ZNRF3: variants seen among roughly 807,000 people sequenced by gnomAD.
ZNRF3 encodes E3 ubiquitin-protein ligase ZNRF3.
ZNRF3 carries 23 observed loss-of-function variants against 72.5 expected under a neutral mutation model. That is an observed-to-expected ratio of 0.32 (90% CI 0.23 to 0.45). ZNRF3 has a LOEUF of 0.45. Among genes scored for constraint, ZNRF3 ranks in the 20% least tolerant of loss-of-function variants. The pLI, the probability that ZNRF3 is intolerant of heterozygous loss-of-function variation, is 1.00. For missense variants in ZNRF3, 1,169 were observed against 1,272.1 expected (o/e 0.92, Z 1.23); for synonymous variants, 610 against 545.3 (o/e 1.12, Z -1.65).
rs1165799058 is a variant in ZNRF3, at chr22:29,056,905, A to G, written c.*3283A>G. ...ACATACTTATGTGCTGCTAGTCTCT[A>G]CTCGAAGTTCGTGCAGGACTAATGC... On this transcript the variant is annotated 3_prime_UTR_variant, in exon 9 of 9. Coordinates refer to ENST00000544604, the MANE Select transcript of ZNRF3 (RefSeq NM_001206998.2). 2.0e-5 allele frequency: 3 copies of G among 152,180 alleles called. No individual in the cohort carries two copies. The highest frequency in any genetic ancestry group is 7.2e-5 in the African/African-American group (3 of 41,434). 9.4% of individuals were successfully genotyped at this position (152,180 alleles called of 1,614,324 possible).
At chr22:28,972,536 C>T (rs1861322711) in intron 1 of ZNRF3, among the ~76,000 whole-genome samples, 1 of 152,150 alleles carries the variant, frequency 6.6e-6, no homozygotes, top group Admixed American at 6.5e-5. Context: ...ACATTGTTTC[C>T]ACTCTTTGGT....
At chr22:29,036,476 C>G (rs1285742748) in intron 2 of ZNRF3, among the ~76,000 whole-genome samples, 1 of 152,322 alleles carries the variant, frequency 6.6e-6, no homozygotes, top group Non-Finnish European at 1.5e-5. Context: ...GAGAGTTACT[C>G]TCAAACTCAC....
At chr22:28,951,950 G>A (rs1250022518) in intron 1 of ZNRF3, among the ~76,000 whole-genome samples, 1 of 152,230 alleles carries the variant, frequency 6.6e-6, no homozygotes, top group African/African-American at 2.4e-5. Flanking sequence ...GTTGATGAGA[G>A]GTATTAAAAT....
intron 2 of ZNRF3, among the ~76,000 whole-genome samples, chr22:29,029,740 G>A (rs116095047): frequency 0.026 from 3,941 of 152,106 alleles, 85 homozygotes; most frequent in African/African-American, 0.057. Context: ...TGCCTCCTCC[G>A]TGAGCGAAGG....
At chr22:29,009,971 A>G (rs541047405) in intron 2 of ZNRF3, among the ~76,000 whole-genome samples, 2 of 147,118 alleles carry the variant, frequency 1.4e-5, no homozygotes, top group East Asian at 2.0e-4. Context: ...CAGTGGCTCA[A>G]TCTCGGCTCA....
At chr22:29,014,796 G>A (rs1264894509) in intron 2 of ZNRF3, among the ~76,000 whole-genome samples, 2 of 152,192 alleles carry the variant, frequency 1.3e-5, no homozygotes, top group African/African-American at 2.4e-5. Flanking sequence ...ACAACAAACA[G>A]GGCAACTGCA....
intron 2 of ZNRF3, among the ~76,000 whole-genome samples, chr22:28,994,176 C>CTTTTTTTTTTTTTTTTTTTTTTTTTTTTT (rs57329565): frequency 3.8e-4 from 15 of 39,808 alleles, no homozygotes; most frequent in South Asian, 1.3e-3. Context: ...CAGTTCCTTT[C>CTTTTTTTTTTTTTTTTTTTTTTTTTTTTT]TTTTTTTTTT....
intron 1 of ZNRF3, among the ~76,000 whole-genome samples, chr22:28,930,607 G>A (rs538153332): frequency 1.3e-5 from 2 of 152,330 alleles, no homozygotes; most frequent in Admixed American, 6.5e-5. Context: ...TCTTGACTAC[G>A]GAGCAGGTTA....
intron 1 of ZNRF3, among the ~76,000 whole-genome samples, chr22:28,916,700 C>A (rs1418620876): frequency 1.3e-5 from 2 of 152,162 alleles, no homozygotes; most frequent in Admixed American, 6.5e-5. Flanking sequence ...GTAGAATTGG[C>A]AGCTTGGGGT....
intron 1 of ZNRF3, among the ~76,000 whole-genome samples, chr22:28,977,291 C>G (rs1174233191): frequency 6.6e-6 from 1 of 152,136 alleles, no homozygotes; most frequent in Non-Finnish European, 1.5e-5. Context: ...GTTTCTGACC[C>G]ATCACAGTTC....
At chr22:28,978,978 A>T (rs2035721973) in intron 1 of ZNRF3, among the ~76,000 whole-genome samples, 1 of 151,908 alleles carries the variant, frequency 6.6e-6, no homozygotes, top group Non-Finnish European at 1.5e-5. Flanking sequence ...GGAGTTAATC[A>T]TTGCTCCCCT....
intron 1 of ZNRF3, chr22:28,986,648 A>G (rs2035859278): frequency 1.0e-6 from 1 of 985,286 alleles, no homozygotes; most frequent in Admixed American, 6.1e-5. Flanking sequence ...GCGTAAGTTG[A>G]AGTAGACATG....
intron 1 of ZNRF3, among the ~76,000 whole-genome samples, chr22:28,945,367 G>A (rs1470241046): frequency 6.6e-6 from 1 of 151,962 alleles, no homozygotes; most frequent in African/African-American, 2.4e-5. Context: ...GAAAAAAGCA[G>A]AATATTAAGC....
chr22:29,048,831 G>A lies in ZNRF3; in HGVS notation c.1015+340G>A, dbSNP rs1335195778. Among the ~76,000 whole-genome samples the A allele has an allele frequency of 1.3e-5, 2 of 152,190 alleles. No homozygotes were observed. The highest frequency in any genetic ancestry group is 2.4e-5 in the African/African-American group (1 of 41,460). Reference sequence around the variant, plus strand: ...ACCATGGGGGTGTTCCTAGGACCACGAGAGACGATGAGTGTGCAGAGGCCA... The same window carrying A: ...ACCATGGGGGTGTTCCTAGGACCACAAGAGACGATGAGTGTGCAGAGGCCA... On this transcript the variant is annotated intron_variant, in intron 7 of 8. Coordinates refer to ENST00000544604, the MANE Select transcript of ZNRF3 (RefSeq NM_001206998.2). This position sits in a 1 kb window ranked among gnomAD's most constrained non-coding sequence, Gnocchi z 4.9.
chr22:29,049,446 T>C lies in ZNRF3; in HGVS notation c.1265T>C (p.Leu422Pro). Residue 422 changes from leucine to proline, a missense_variant, in exon 8 of 9, where the codon CTC becomes CCC. Leu to Pro is a moderately conservative substitution (Grantham distance 98). Transcript: ENST00000544604. The surrounding 1 kb of genome is among the most constrained non-coding windows in gnomAD (Gnocchi z 5.2). Reference sequence around the variant, plus strand: ...GCCTACATCCGCAGCTACCCACCCCTCCACCTGGACCACAGCCTGGCCGCT... The same window carrying C: ...GCCTACATCCGCAGCTACCCACCCCCCCACCTGGACCACAGCCTGGCCGCT... ...TPAYIRSYPPLHLDHSLAAHR... is the reference protein window; with the variant it reads ...TPAYIRSYPPPHLDHSLAAHR... 6.2e-7 allele frequency: 1 copy of C among 1,600,892 alleles called. No individual in the cohort carries two copies. The highest frequency in any genetic ancestry group is 8.5e-7 in the Non-Finnish European group (1 of 1,176,458).
intron 1 of ZNRF3, among the ~76,000 whole-genome samples, chr22:28,909,730 G>A (rs1454849664): frequency 1.4e-5 from 2 of 146,420 alleles, no homozygotes; most frequent in Non-Finnish European, 3.0e-5. Flanking sequence ...ATAGGCGCAT[G>A]CCACCATGCC....
At chr22:28,975,190 G>A (rs1028859767) in intron 1 of ZNRF3, among the ~76,000 whole-genome samples, 5 of 152,146 alleles carry the variant, frequency 3.3e-5, no homozygotes, top group African/African-American at 9.6e-5. Context: ...AGTCCGAGGC[G>A]GGCGGATCAT....
At chr22:29,042,388 TG>T (rs1212737509) in intron 2 of ZNRF3, 106 bp from the exon 3 acceptor site, 37 of 824,630 alleles carry the variant, frequency 4.5e-5, no homozygotes, top group Non-Finnish European at 7.1e-5. Context: ...TCACCTAAGT[TG>T]GTAACTGTCA....
chr22:29,042,542 G>A lies in ZNRF3; in HGVS notation c.474G>A (p.Val158=), dbSNP rs758049491. ...GAGCTACTGCAGTCATCTTTGATGT[G>A]TCTGAAAACCCAGAAGCTATTGATC... ...QRGATAVIFD[V]SENPEAIDQL... is the part of the protein sequence containing the mutation. The change falls in exon 3 of 9, where the codon GTG becomes GTA. Residue 158 remains valine (V), a synonymous_variant. Coordinates refer to ENST00000544604, the MANE Select transcript of ZNRF3 (RefSeq NM_001206998.2). 7 of 1,613,764 alleles carry A rather than the reference G, an allele frequency of 4.3e-6. No individual in the cohort carries two copies. The East Asian group carries it at 1.3e-4, about 31-fold the overall frequency.
Sources: allele counts gnomAD v4.1 joint callset (sites outside exome capture counted in the v4.1 genomes callset), GRCh38; gene constraint gnomAD v4.1.1; non-coding constraint Gnocchi (gnomAD v3.1); transcripts MANE v1.5; gene names NCBI Gene and HGNC (gene_info 2026-07-23, HGNC 2026-07-21).